KCNB2: variants seen among roughly 807,000 people sequenced by gnomAD.
KCNB2 encodes delayed rectifier potassium channel protein.
KCNB2 carries 15 observed loss-of-function variants against 61.5 expected under a neutral mutation model. The ratio of observed to expected loss-of-function variants is 0.24; its 90% CI spans 0.16 to 0.38. The LOEUF is 0.38. KCNB2 is among the 10% of genes least tolerant of loss of function. The pLI is 1.00. For missense variants in KCNB2, 828 were observed against 1,125.2 expected (o/e 0.74, Z 3.78); for synonymous variants, 457 against 446.0 (o/e 1.02, Z -0.31).
At chr8:72,630,234 A>G (rs1805858241) in intron 2 of KCNB2, among the ~76,000 whole-genome samples, 1 of 152,168 alleles carries the variant, frequency 6.6e-6, no homozygotes, top group African/African-American at 2.4e-5. Flanking sequence ...CTTTACCAAC[A>G]TACCACCAGT....
intron 2 of KCNB2, among the ~76,000 whole-genome samples, chr8:72,917,978 G>T (rs1806435153): frequency 6.6e-6 from 1 of 152,020 alleles, no homozygotes; most frequent in African/African-American, 2.4e-5. Flanking sequence ...GCAGGCTGAA[G>T]GGTATCCAAG....
chr8:72,730,088 G>T (rs909992449), intron 2 of KCNB2, among the ~76,000 whole-genome samples: 2 of 152,038 alleles, frequency 1.3e-5, no homozygotes, highest in African/African-American at 4.8e-5. Context: ...GATGCCCGTA[G>T]ACATCATCCC....
chr8:72,841,256 G>T (rs1025753581), intron 2 of KCNB2, among the ~76,000 whole-genome samples: 2 of 151,548 alleles, frequency 1.3e-5, no homozygotes, highest in African/African-American at 4.9e-5. Flanking sequence ...TGTTCCATTG[G>T]TCTGTATATC....
At chr8:72,540,890 CATTT>C (rs1395579312) in intron 1 of KCNB2, among the ~76,000 whole-genome samples, 1 of 151,864 alleles carries the variant, frequency 6.6e-6, no homozygotes, top group Non-Finnish European at 1.5e-5. Context: ...TTCATTAATT[CATTT>C]ATTACTTACT....
intron 2 of KCNB2, among the ~76,000 whole-genome samples, chr8:72,830,863 C>T (rs1474978744): frequency 6.6e-6 from 1 of 152,218 alleles, no homozygotes; most frequent in Non-Finnish European, 1.5e-5. Flanking sequence ...AGGCTCATGC[C>T]TGATCATTTA....
At chr8:72,621,228 C>T (rs1805708430) in intron 2 of KCNB2, among the ~76,000 whole-genome samples, 1 of 152,154 alleles carries the variant, frequency 6.6e-6, no homozygotes, top group South Asian at 2.1e-4. Context: ...GTGACTCAAT[C>T]CCAACGTGTC....
chr8:72,918,327 G>A (rs1806440628), intron 2 of KCNB2, among the ~76,000 whole-genome samples: 1 of 152,118 alleles, frequency 6.6e-6, no homozygotes, highest in African/African-American at 2.4e-5. Context: ...CACTATTTAA[G>A]CAATGAGAGA....
intron 2 of KCNB2, among the ~76,000 whole-genome samples, chr8:72,713,474 C>T (rs2439340): frequency 0.67 from 101,737 of 152,014 alleles, 34,759 homozygotes; most frequent in African/African-American, 0.79. Flanking sequence ...TCCAGAGAAA[C>T]GATCAGGCAG....
rs746163733 is a variant in KCNB2, at chr8:72,938,138, C to A, written c.*47C>A. The A allele has an allele frequency of 1.4e-6, 2 of 1,461,790 alleles. No homozygotes were observed. Among genetic ancestry groups the A allele is most frequent in the Non-Finnish European group, 1.9e-6 (2 of 1,077,620 alleles). 90.6% of individuals were successfully genotyped at this position (1,461,790 alleles called of 1,614,324 possible). On this transcript the variant is annotated 3_prime_UTR_variant, in exon 3 of 3. Transcript: ENST00000523207. Reference sequence around the variant, plus strand: ...TGAAACAAAACAAAACAAAACAAAACTTGTTTCTTAAAAATGCGGTTAATA... The same window carrying A: ...TGAAACAAAACAAAACAAAACAAAAATTGTTTCTTAAAAATGCGGTTAATA...
At chr8:72,776,883 A>T (rs1385680125) in intron 2 of KCNB2, among the ~76,000 whole-genome samples, 1 of 152,132 alleles carries the variant, frequency 6.6e-6, no homozygotes, top group African/African-American at 2.4e-5. Flanking sequence ...TCCACCTTTG[A>T]TTGGAAAATG....
At chr8:72,791,291 T>A (rs1254335832) in intron 2 of KCNB2, among the ~76,000 whole-genome samples, 1 of 152,160 alleles carries the variant, frequency 6.6e-6, no homozygotes, top group Admixed American at 6.5e-5. Context: ...GGCTCACACC[T>A]ATAATCCCAG....
At chr8:72,590,373 T>C (rs1328281900) in intron 2 of KCNB2, among the ~76,000 whole-genome samples, 1 of 152,062 alleles carries the variant, frequency 6.6e-6, no homozygotes, top group African/African-American at 2.4e-5. Flanking sequence ...TCTTTTTAGC[T>C]CCTCTCTGAA....
At chr8:72,826,184 T>C (rs1809592571) in intron 2 of KCNB2, among the ~76,000 whole-genome samples, 1 of 152,220 alleles carries the variant, frequency 6.6e-6, no homozygotes, top group Non-Finnish European at 1.5e-5. Context: ...TACTTTGGTA[T>C]CCATTACGTA....
At chr8:72,752,050 T>C (rs1352475312) in intron 2 of KCNB2, among the ~76,000 whole-genome samples, 1 of 152,148 alleles carries the variant, frequency 6.6e-6, no homozygotes, top group Non-Finnish European at 1.5e-5. Flanking sequence ...GCCCAGTGCA[T>C]ATTGGTGTGA....
intron 2 of KCNB2, among the ~76,000 whole-genome samples, chr8:72,663,771 A>G (rs1486589682): frequency 6.6e-6 from 1 of 152,222 alleles, no homozygotes; most frequent in Non-Finnish European, 1.5e-5. Context: ...TAGGACAATC[A>G]AAAAGGATGG....
chr8:72,683,456 G>T (rs1475048967), intron 2 of KCNB2, among the ~76,000 whole-genome samples: 1 of 152,174 alleles, frequency 6.6e-6, no homozygotes, highest in Non-Finnish European at 1.5e-5. Flanking sequence ...AGAATCGAAA[G>T]AAGAACTAAG....
At position 72,797,538 on chromosome 8, in the gene KCNB2, T is replaced by C. The variant is rs1240393528; in HGVS notation, c.580-138397T>C. ...TTTGATCAGTTTATTTTTCCACTTA[T>C]ATTTTTAACTTTATCACTGAGAAAA... On this transcript the variant is annotated intron_variant, in intron 2 of 2. Coordinates refer to ENST00000523207, the MANE Select transcript of KCNB2 (RefSeq NM_004770.3). Among the ~76,000 whole-genome samples, 5 of 152,260 alleles carry C rather than the reference T, an allele frequency of 3.3e-5. No homozygotes were observed. The South Asian group carries it at 6.2e-4, about 19-fold the overall frequency.
intron 2 of KCNB2, among the ~76,000 whole-genome samples, chr8:72,903,824 AGG>A (rs1806127263): frequency 2.6e-5 from 4 of 152,162 alleles, no homozygotes; most frequent in Non-Finnish European, 5.9e-5. Context: ...TGGATTACCT[AGG>A]TTTTAGAAGG....
In KCNB2 at chr8:72,935,925, T is replaced by C; in HGVS notation, c.580-10T>C. 1 of 1,606,564 alleles carries C rather than the reference T, an allele frequency of 6.2e-7. No individual in the cohort carries two copies. The highest frequency in any genetic ancestry group is 8.5e-7 in the Non-Finnish European group (1 of 1,174,320). ...GAGGATTTGCTGACTTGGACTTTTCTCTTTTCCAGATCCTGGCCATCGTGT... is the reference window on the plus strand; with the variant it reads ...GAGGATTTGCTGACTTGGACTTTTCCCTTTTCCAGATCCTGGCCATCGTGT... On this transcript the variant is annotated splice_polypyrimidine_tract_variant and intron_variant, in intron 2 of 2. Coordinates refer to ENST00000523207, the MANE Select transcript of KCNB2 (RefSeq NM_004770.3).
Sources: gnomAD v4.1 joint callset for allele counts (sites outside exome capture counted in the v4.1 genomes callset) on GRCh38, gnomAD v4.1.1 for gene constraint, MANE v1.5 for transcripts, NCBI Gene and HGNC (gene_info 2026-07-23, HGNC 2026-07-21) for gene names.